The following DPH5 variants were observed in gnomAD, a reference collection of about 807,000 sequenced individuals.
DPH5 encodes diphthine methyl ester synthase.
In DPH5, 31 loss-of-function variants were observed where a neutral mutation model predicts 31.6. The observed-to-expected ratio is 0.98, with a 90% CI of 0.74 to 1.32. The LOEUF (loss-of-function observed/expected upper bound fraction) is 1.32, where lower values mean the gene tolerates loss of function less well. DPH5 is among the 40% of genes most tolerant of loss of function. DPH5 has a pLI of 0.00. For missense variants in DPH5, 309 were observed against 335.7 expected, an observed-to-expected ratio of 0.92 and a Z score of 0.62; for synonymous variants, 120 against 115.0, an observed-to-expected ratio of 1.04 and a Z score of -0.28.
chr1:100,993,860 C>T (rs528091420), intron 6 of DPH5, among the ~76,000 whole-genome samples: 9 of 151,744 alleles, frequency 5.9e-5, no homozygotes, highest in Admixed American at 2.6e-4. Context: ...TCTGCCTCAG[C>T]CTCCCGAGTA....
chr1:100,993,881 C>T (rs1253049271), intron 6 of DPH5, among the ~76,000 whole-genome samples: 9 of 151,580 alleles, frequency 5.9e-5, no homozygotes, highest in African/African-American at 2.2e-4. Context: ...GCTGGGATTA[C>T]AGGTGCCTGC....
At chr1:101,006,545 T>C (rs1163677346) in intron 4 of DPH5, among the ~76,000 whole-genome samples, 3 of 152,204 alleles carry the variant, frequency 2.0e-5, no homozygotes, top group East Asian at 1.9e-4. Flanking sequence ...CGGAAGGATA[T>C]AGAACTCTAG....
chr1:101,009,092 T>C (rs1417126305), intron 4 of DPH5, among the ~76,000 whole-genome samples: 2 of 152,220 alleles, frequency 1.3e-5, no homozygotes, highest in Non-Finnish European at 2.9e-5. Flanking sequence ...AACATACATG[T>C]ATTTAATACC....
chr1:101,025,218 G>T, intron 2 of DPH5, 91 bp downstream of exon 2: 1 of 1,507,824 alleles, frequency 6.6e-7, no homozygotes, highest in Non-Finnish European at 8.9e-7. Flanking sequence ...GTTTAAACAA[G>T]CAGACCTGAA....
chr1:100,992,448 T>A (rs1161267558), intron 7 of DPH5, among the ~76,000 whole-genome samples, 189 bp downstream of exon 7: 1 of 151,778 alleles, frequency 6.6e-6, no homozygotes, highest in Non-Finnish European at 1.5e-5. Flanking sequence ...AGAATGCCAA[T>A]TTTTTTTTCT....
At position 101,013,781 on chromosome 1, in the gene DPH5, T is replaced by C; in HGVS notation, c.298A>G (p.Lys100Glu). The C allele has an allele frequency of 6.2e-7, 1 of 1,613,312 alleles. No homozygotes were observed. The highest frequency in any genetic ancestry group is 8.5e-7 in the Non-Finnish European group (1 of 1,179,584). The change falls in exon 4 of 8, where the codon AAG becomes GAG. Residue 100 changes from lysine to glutamate, a missense_variant. Physicochemically the swap from Lys to Glu is moderately conservative, Grantham distance 56. Coordinates refer to ENST00000370109, the MANE Select transcript of DPH5 (RefSeq NM_015958.3). ...ATAACTCTATAAGGAATTCCCAGCT[T>C]TGTTGCTCTTAGAACAAGATCACTG... ...THSDLVLRAT[K>E]LGIPYRVIHN...
intron 2 of DPH5, chr1:101,022,930 C>T (rs139137570): frequency 3.9e-5 from 6 of 152,260 alleles, no homozygotes; most frequent in African/African-American, 1.4e-4. Context: ...CGCAGTGGCT[C>T]TCACCTGTAA....
rs773362571 is a variant in DPH5, at chr1:101,001,501, GTTC to G, written c.453_455del (p.Lys151del). On this transcript the variant is annotated inframe_deletion, in exon 5 of 8. Coordinates refer to ENST00000370109, the MANE Select transcript of DPH5 (RefSeq NM_015958.3). The stretch of plus-strand genomic sequence containing the variant: ...ATAATGTGTGCATGCCATTTTGTCT[GTTC>G]TTCTTCACTTTGTCAAAGAAGCTTT... 30 of 1,613,310 alleles carry G rather than the reference GTTC, an allele frequency of 1.9e-5. No homozygotes were observed. Among genetic ancestry groups the G allele is most frequent in the Admixed American group, 8.3e-5 (5 of 59,936 alleles).
At chr1:100,998,555 T>C (rs368239249) in intron 5 of DPH5, among the ~76,000 whole-genome samples, 3 of 151,432 alleles carry the variant, frequency 2.0e-5, no homozygotes, top group East Asian at 1.9e-4. Flanking sequence ...CTGGCTGCAA[T>C]TGACTGAACT....
chr1:100,997,458 T>C (rs1035642598), intron 5 of DPH5, among the ~76,000 whole-genome samples: 3 of 152,134 alleles, frequency 2.0e-5, no homozygotes, highest in Admixed American at 6.5e-5. Flanking sequence ...CTCCGCCTCC[T>C]GGGTTCACAC....
At chr1:101,000,378 T>C (rs1658763650) in intron 5 of DPH5, among the ~76,000 whole-genome samples, 1 of 152,160 alleles carries the variant, frequency 6.6e-6, no homozygotes, top group Non-Finnish European at 1.5e-5. Context: ...ATGAAGTAAC[T>C]ACAGGAGTAA....
Position 101,001,499 on chromosome 1 carries a change from C to T in DPH5, c.458G>A (p.Arg153Lys). Residue 153 changes from arginine to lysine, a missense_variant, in exon 5 of 8, where the codon AGA becomes AAA. Transcript: ENST00000370109. Reference protein sequence around the residue: ...ESFFDKVKKNRQNGMHTLCLL... With the variant: ...ESFFDKVKKNKQNGMHTLCLL... ...ACATAATGTGTGCATGCCATTTTGT[C>T]TGTTCTTCTTCACTTTGTCAAAGAA... The T allele has an allele frequency of 6.2e-7, 1 of 1,613,700 alleles. No individual in the cohort carries two copies.
At chr1:101,018,241 T>G (rs998309003) in intron 3 of DPH5, among the ~76,000 whole-genome samples, 19 of 149,588 alleles carry the variant, frequency 1.3e-4, no homozygotes, top group African/African-American at 4.7e-4. Context: ...AAATTTGATT[T>G]TTTTTTTTTT....
At position 101,013,730 on chromosome 1, in the gene DPH5, C is replaced by T. The variant is rs766119012; in HGVS notation, c.349G>A (p.Val117Ile). 4 of 1,611,168 alleles carry T rather than the reference C, an allele frequency of 2.5e-6. No individual in the cohort carries two copies. The highest frequency in any genetic ancestry group is 1.3e-5 in the African/African-American group (1 of 75,000). The change falls in exon 4 of 8, where the codon GTA becomes ATA. Residue 117 changes from valine (V) to isoleucine (I), a missense_variant. Coordinates refer to ENST00000370109, the MANE Select transcript of DPH5 (RefSeq NM_015958.3). ...ATTACCTGTAAACCACAGCAGCCTA[C>T]AGCATTCATTATGGAGGCATTGTGA... ...VIHNASIMNA[V>I]GCCGLQLYKF...
At chr1:100,993,115 A>T (rs1657933797) in intron 6 of DPH5, among the ~76,000 whole-genome samples, 1 of 152,168 alleles carries the variant, frequency 6.6e-6, no homozygotes, top group Admixed American at 6.5e-5. Context: ...CCATTTTTAA[A>T]CCACATATTC....
intron 4 of DPH5, among the ~76,000 whole-genome samples, chr1:101,004,648 G>C (rs1056981555): frequency 2.0e-5 from 3 of 152,158 alleles, no homozygotes; most frequent in African/African-American, 7.2e-5. Context: ...AGATGCTCAA[G>C]AAAGACAATA....
At position 101,013,805 on chromosome 1, in the gene DPH5, T is replaced by C; in HGVS notation, c.274A>G (p.Ser92Gly). 2.5e-6 allele frequency: 4 copies of C among 1,612,328 alleles called. No individual in the cohort carries two copies. The highest frequency in any genetic ancestry group is 3.4e-6 in the Non-Finnish European group (4 of 1,179,268). The change falls in exon 4 of 8, where the codon AGT becomes GGT. Residue 92 changes from serine (S) to glycine (G), a missense_variant. Transcript: ENST00000370109. ...VGDPFGATTH[S>G]DLVLRATKLG... is the part of the protein sequence containing the mutation. The stretch of plus-strand genomic sequence containing the variant: ...TTTGTTGCTCTTAGAACAAGATCAC[T>C]GTGTGTTGTGGCCCTGTAGTGAGAA...
At chr1:101,022,137 TA>T (rs1315240567) in intron 2 of DPH5, among the ~76,000 whole-genome samples, 2 of 152,154 alleles carry the variant, frequency 1.3e-5, no homozygotes, top group African/African-American at 4.8e-5. Context: ...TAATACAGAA[TA>T]AATATATTAA....
At chr1:101,010,499 T>G (rs1246880003) in intron 4 of DPH5, among the ~76,000 whole-genome samples, 1 of 152,208 alleles carries the variant, frequency 6.6e-6, no homozygotes, top group Non-Finnish European at 1.5e-5. Context: ...GATTCTGAAC[T>G]CTGCATGTTG....
Sources: allele counts gnomAD v4.1 joint callset (sites outside exome capture counted in the v4.1 genomes callset), GRCh38; gene constraint gnomAD v4.1.1; transcripts MANE v1.5; gene names NCBI Gene and HGNC (gene_info 2026-07-23, HGNC 2026-07-21).